The following EXOC2 variants were observed in gnomAD, a reference collection of about 807,000 sequenced individuals.
The protein encoded by EXOC2 is exocyst complex component 2.
EXOC2 carries 70 observed loss-of-function variants against 131.8 expected under a neutral mutation model. The observed-to-expected ratio is 0.53, with a 90% CI of 0.44 to 0.65. The LOEUF (loss-of-function observed/expected upper bound fraction) is 0.65. EXOC2 is among the 30% of genes least tolerant of loss of function. The pLI, the probability that EXOC2 is intolerant of heterozygous loss-of-function variation, is 0.00. For synonymous variants in EXOC2, 411 were observed against 398.4 expected (o/e 1.03, Z -0.38); for missense variants, 923 against 1,108.6 (o/e 0.83, Z 2.38).
intron 23 of EXOC2, among the ~76,000 whole-genome samples, chr6:508,098 A>C (rs946259301): frequency 2.6e-5 from 4 of 152,140 alleles, no homozygotes; most frequent in African/African-American, 9.7e-5. Flanking sequence ...AAACTTGCTA[A>C]ATTTCATTCT....
chr6:636,352 T>A (rs368238124), intron 2 of EXOC2, among the ~76,000 whole-genome samples: 12 of 152,362 alleles, frequency 7.9e-5, no homozygotes, highest in African/African-American at 2.6e-4. Flanking sequence ...ATTGAAGTGA[T>A]GTTTACTAAA....
At position 560,927 on chromosome 6, in the gene EXOC2, C is replaced by T. The variant is rs375336647; in HGVS notation, c.1851+1857G>A. ...TTCACCATGTTGGTCAGGCTGGTCT[C>T]GAACTCCTGACCTCAGGTGATCCGC... On this transcript the variant is annotated intron_variant, in intron 17 of 27. Coordinates refer to ENST00000230449, the MANE Select transcript of EXOC2 (RefSeq NM_018303.6). Among the ~76,000 whole-genome samples, 65 of 151,786 alleles carry T rather than the reference C, an allele frequency of 4.3e-4. No homozygotes were observed. In the East Asian group the frequency reaches 8.5e-3, roughly 20 times the overall value.
chr6:656,672 C>T, intron 1 of EXOC2: 2 of 1,606,912 alleles, frequency 1.2e-6, no homozygotes, highest in Non-Finnish European at 8.5e-7. Flanking sequence ...CTGCGCTTCT[C>T]GCCGCCCGGG....
At chr6:671,711 C>T (rs539022509) in intron 1 of EXOC2, among the ~76,000 whole-genome samples, 6 of 152,082 alleles carry the variant, frequency 3.9e-5, no homozygotes, top group Non-Finnish European at 5.9e-5. Flanking sequence ...TCACTGGATA[C>T]GGAATTCTAT....
At chr6:500,416 A>T (rs1010195588) in intron 23 of EXOC2, among the ~76,000 whole-genome samples, 1 of 152,218 alleles carries the variant, frequency 6.6e-6, no homozygotes, top group Admixed American at 6.5e-5. Context: ...CTGAGGTCTG[A>T]CTATTGGGGA....
intron 12 of EXOC2, among the ~76,000 whole-genome samples, chr6:574,695 C>A (rs1393014089): frequency 6.6e-6 from 1 of 152,204 alleles, no homozygotes; most frequent in Non-Finnish European, 1.5e-5. Flanking sequence ...TGAGGATTAA[C>A]CGTGTGCTTA....
intron 23 of EXOC2, among the ~76,000 whole-genome samples, chr6:529,799 A>C (rs1202213249): frequency 6.6e-6 from 1 of 152,196 alleles, no homozygotes; most frequent in Non-Finnish European, 1.5e-5. Context: ...AGTTTACATA[A>C]CTAAACAGAT....
At chr6:556,387 G>T in intron 18 of EXOC2, 97 bp downstream of exon 18, 1 of 1,223,182 alleles carries the variant, frequency 8.2e-7, no homozygotes, top group South Asian at 1.3e-5. Context: ...GGCGAAGAGG[G>T]AGAAAAGATC....
chr6:569,517 T>C (rs1473718467), intron 13 of EXOC2, among the ~76,000 whole-genome samples: 2 of 152,262 alleles, frequency 1.3e-5, no homozygotes, highest in East Asian at 1.9e-4. Context: ...AAAACTATCA[T>C]GCTTTCTTGT....
At chr6:691,742 G>A (rs894177510) in intron 1 of EXOC2, among the ~76,000 whole-genome samples, 1 of 152,128 alleles carries the variant, frequency 6.6e-6, no homozygotes, top group Admixed American at 6.5e-5. Flanking sequence ...AGTTCAAAAT[G>A]GCATTCAATA....
intron 10 of EXOC2, among the ~76,000 whole-genome samples, chr6:594,044 C>T (rs3823132): frequency 0.093 from 14,201 of 152,262 alleles, 1,169 homozygotes; most frequent in African/African-American, 0.22. Context: ...CATCTCCTCC[C>T]CCTTGTGACC....
intron 1 of EXOC2, among the ~76,000 whole-genome samples, chr6:654,803 C>CAAAAAAAAAAAAAAAAAAAAAAAAAA (rs66637987): frequency 3.4e-5 from 1 of 29,562 alleles, no homozygotes; most frequent in Non-Finnish European, 7.0e-5. Flanking sequence ...GACCCTGTCT[C>CAAAAAAAAAAAAAAAAAAAAAAAAAA]AAAAAAAAAA....
intron 4 of EXOC2, among the ~76,000 whole-genome samples, chr6:623,172 G>A (rs1761380398): frequency 6.6e-6 from 1 of 152,206 alleles, no homozygotes. Flanking sequence ...CCGCTGGGAG[G>A]ACACGGGTGG....
chr6:668,233 T>G (rs574635743), intron 1 of EXOC2, among the ~76,000 whole-genome samples: 6 of 152,290 alleles, frequency 3.9e-5, no homozygotes, highest in African/African-American at 1.4e-4. Flanking sequence ...CATTAATGCT[T>G]TAAGTCATGC....
chr6:503,110 C>A (rs1275259544), intron 23 of EXOC2, among the ~76,000 whole-genome samples: 1 of 151,926 alleles, frequency 6.6e-6, no homozygotes, highest in Non-Finnish European at 1.5e-5. Flanking sequence ...AAAAATAAAT[C>A]ATTGATGGTC....
intron 22 of EXOC2, among the ~76,000 whole-genome samples, chr6:540,322 T>C (rs1348249554): frequency 6.6e-6 from 1 of 152,228 alleles, no homozygotes; most frequent in Admixed American, 6.5e-5. Context: ...TTTGCTCCAC[T>C]GTTCTCAATA....
Position 493,207 on chromosome 6 carries a change from T to C in EXOC2, c.2560-2021A>G, listed in dbSNP as rs77610252. 6.1e-3 allele frequency among the ~76,000 whole-genome samples: 932 copies of C among 152,356 alleles called. 5 individuals carry two copies. The highest frequency in any genetic ancestry group is 0.022 in the African/African-American group (900 of 41,584). ...CCATCTAGATCAAAGCAGATATATA[T>C]GACACAGGATATTCAGTGACCTTTT... On this transcript the variant is annotated intron_variant, in intron 25 of 27. Transcript: ENST00000230449.
chr6:494,679 A>C (rs1763615296), intron 25 of EXOC2, among the ~76,000 whole-genome samples: 1 of 152,120 alleles, frequency 6.6e-6, no homozygotes, highest in African/African-American at 2.4e-5. Context: ...ACTTCATGTA[A>C]ATGAAAACTA....
intron 24 of EXOC2, among the ~76,000 whole-genome samples, chr6:498,253 C>T (rs1284282844): frequency 1.3e-5 from 2 of 152,090 alleles, no homozygotes; most frequent in African/African-American, 2.4e-5. Context: ...GAATGAAATT[C>T]TCCTTTCAGT....
Sources: gnomAD v4.1 joint callset for allele counts (sites outside exome capture counted in the v4.1 genomes callset) on GRCh38, gnomAD v4.1.1 for gene constraint, MANE v1.5 for transcripts, NCBI Gene and HGNC (gene_info 2026-07-23, HGNC 2026-07-21) for gene names.